PAPPA2: variants seen among roughly 807,000 people sequenced by gnomAD.
PAPPA2 encodes the protein pappalysin-2.
Under a neutral mutation model 176.4 loss-of-function variants are expected in PAPPA2, and 86 were observed. The ratio of observed to expected loss-of-function variants is 0.49; its 90% CI spans 0.41 to 0.58. PAPPA2 has a LOEUF of 0.58. Among genes scored for constraint, PAPPA2 ranks in the 20% least tolerant of loss-of-function variants. PAPPA2 has a pLI of 0.00. For synonymous variants in PAPPA2, 809 were observed against 852.2 expected, an observed-to-expected ratio of 0.95 and a Z score of 0.88; for missense variants, 2,073 against 2,256.9, an observed-to-expected ratio of 0.92 and a Z score of 1.65.
At chr1:176,823,965 G>A (rs767978093) in intron 21 of PAPPA2, among the ~76,000 whole-genome samples, 1 of 152,200 alleles carries the variant, frequency 6.6e-6, no homozygotes, top group Non-Finnish European at 1.5e-5. Flanking sequence ...TCACCAAACT[G>A]AGGAAGTGCA....
At chr1:176,811,601 G>T (rs903295951) in intron 21 of PAPPA2, among the ~76,000 whole-genome samples, 19 of 151,966 alleles carry the variant, frequency 1.3e-4, no homozygotes, top group Admixed American at 1.2e-3. Context: ...ATCTAAATAT[G>T]TGTTAGACAT....
At chr1:176,786,547 T>C (rs994317352) in intron 17 of PAPPA2, among the ~76,000 whole-genome samples, 4 of 152,238 alleles carry the variant, frequency 2.6e-5, no homozygotes, top group African/African-American at 9.7e-5. Flanking sequence ...TACAAAAATT[T>C]AAAGTGAAAC....
intron 12 of PAPPA2, among the ~76,000 whole-genome samples, chr1:176,735,692 C>A (rs1466534713): frequency 8.2e-6 from 1 of 122,146 alleles, no homozygotes; most frequent in Non-Finnish European, 1.9e-5. Flanking sequence ...ATCTATCTAT[C>A]TATCTATCTA....
chr1:176,819,220 T>A (rs1054266499), intron 21 of PAPPA2, among the ~76,000 whole-genome samples: 1 of 152,134 alleles, frequency 6.6e-6, no homozygotes, highest in Non-Finnish European at 1.5e-5. Flanking sequence ...TTGACCATGA[T>A]AGAGAAAGGA....
chr1:176,798,560 T>C (rs1476066484), intron 20 of PAPPA2, among the ~76,000 whole-genome samples: 1 of 152,232 alleles, frequency 6.6e-6, no homozygotes, highest in Non-Finnish European at 1.5e-5. Context: ...AAACCATTGA[T>C]ATTTTAAATA....
At chr1:176,736,006 TA>T (rs1467892445) in intron 12 of PAPPA2, among the ~76,000 whole-genome samples, 1 of 152,162 alleles carries the variant, frequency 6.6e-6, no homozygotes, top group Admixed American at 6.6e-5. Flanking sequence ...AACTCTTTGT[TA>T]AAACGAATAG....
At chr1:176,785,078 G>A (rs1377959595) in intron 17 of PAPPA2, among the ~76,000 whole-genome samples, 1 of 152,154 alleles carries the variant, frequency 6.6e-6, no homozygotes, top group Non-Finnish European at 1.5e-5. Flanking sequence ...GCCACAAACA[G>A]CGCTAGGTAA....
intron 4 of PAPPA2, among the ~76,000 whole-genome samples, chr1:176,685,136 A>C (rs868032124): frequency 3.3e-5 from 5 of 151,972 alleles, no homozygotes; most frequent in African/African-American, 9.7e-5. Flanking sequence ...TGAAGGTTAC[A>C]GGCAAATGAA....
chr1:176,503,691 T>A (rs1648092153), intron 1 of PAPPA2, among the ~76,000 whole-genome samples: 1 of 152,184 alleles, frequency 6.6e-6, no homozygotes, highest in South Asian at 2.1e-4. Flanking sequence ...TCCAATATTG[T>A]GAAGTGAATT....
chr1:176,815,231 A>T (rs1228531327), intron 21 of PAPPA2, among the ~76,000 whole-genome samples: 4 of 152,222 alleles, frequency 2.6e-5, no homozygotes, highest in Non-Finnish European at 5.9e-5. Flanking sequence ...AACAGCATGC[A>T]TAATGAAAAT....
chr1:176,765,391 A>G (rs1663915415), intron 14 of PAPPA2, among the ~76,000 whole-genome samples: 1 of 152,204 alleles, frequency 6.6e-6, no homozygotes, highest in South Asian at 2.1e-4. Flanking sequence ...GAACTCTCAG[A>G]ATCTGTTCTC....
intron 12 of PAPPA2, among the ~76,000 whole-genome samples, chr1:176,716,262 C>T (rs1304453211): frequency 5.8e-5 from 8 of 137,770 alleles, no homozygotes; most frequent in South Asian, 2.3e-4. Flanking sequence ...TTGTTTGAGA[C>T]GGAATCTTGC....
At chr1:176,765,445 A>G (rs1247237164) in intron 14 of PAPPA2, among the ~76,000 whole-genome samples, 5 of 152,232 alleles carry the variant, frequency 3.3e-5, no homozygotes, top group Admixed American at 2.6e-4. Context: ...AGAAAGAGCC[A>G]TAGAAAGTCA....
chr1:176,513,436 C>T (rs1249211775), intron 1 of PAPPA2, among the ~76,000 whole-genome samples: 1 of 152,124 alleles, frequency 6.6e-6, no homozygotes, highest in African/African-American at 2.4e-5. Context: ...GAGTCTACCT[C>T]TCCTTCTCTT....
intron 17 of PAPPA2, among the ~76,000 whole-genome samples, chr1:176,786,862 G>A (rs1664957191): frequency 6.6e-6 from 1 of 152,138 alleles, no homozygotes; most frequent in South Asian, 2.1e-4. Context: ...CTTATAAGTG[G>A]GAGGGGAGCA....
At chr1:176,519,145 C>T (rs12756113) in intron 1 of PAPPA2, among the ~76,000 whole-genome samples, 9,994 of 152,186 alleles carry the variant, frequency 0.066, 378 homozygotes, top group African/African-American at 0.093. Context: ...TTCCATGTGC[C>T]AGACATGACA....
chr1:176,794,236 A>C (rs577467925), intron 20 of PAPPA2, among the ~76,000 whole-genome samples: 1 of 152,194 alleles, frequency 6.6e-6, no homozygotes, highest in African/African-American at 2.4e-5. Context: ...AGCAACTGAC[A>C]TAAAAGGAAG....
chr1:176,843,312 G>A lies in PAPPA2; in HGVS notation c.*858G>A, dbSNP rs1465583067. On this transcript the variant is annotated 3_prime_UTR_variant, in exon 23 of 23. Coordinates refer to ENST00000367662, the MANE Select transcript of PAPPA2 (RefSeq NM_020318.3). ...GGAGTTGGAATGGTGGTACTAAGAG[G>A]CATAGGAAGTTGAGTGTGAATACCA... 6.6e-6 allele frequency: 1 copy of A among 152,078 alleles called. No individual in the cohort carries two copies. The highest frequency in any genetic ancestry group is 1.5e-5 in the Non-Finnish European group (1 of 68,006). The allele number at this position is 152,078 out of a possible 1,614,324, so 9.4% of individuals were successfully genotyped here. A position where few individuals can be genotyped will look rare whatever the true frequency, so the allele number is the denominator to read the frequency against.
At chr1:176,735,534 T>G (rs1662358464) in intron 12 of PAPPA2, among the ~76,000 whole-genome samples, 1 of 152,094 alleles carries the variant, frequency 6.6e-6, no homozygotes, top group African/African-American at 2.4e-5. Flanking sequence ...GGGGATTTCT[T>G]AAGCCCAAAC....
Sources: allele counts gnomAD v4.1 joint callset (sites outside exome capture counted in the v4.1 genomes callset), GRCh38; gene constraint gnomAD v4.1.1; transcripts MANE v1.5; gene names NCBI Gene and HGNC (gene_info 2026-07-23, HGNC 2026-07-21).